The following HS2ST1 variants were observed in gnomAD, a reference collection of about 807,000 sequenced individuals.
HS2ST1 encodes the protein heparan sulfate 2-O-sulfotransferase 1, also known as 2-O-sulfotransferase.
Under a neutral mutation model 42.9 loss-of-function variants are expected in HS2ST1, and 18 were observed. That is an observed-to-expected ratio of 0.42 (90% CI 0.29 to 0.62). HS2ST1 has a LOEUF of 0.62. Among genes scored for constraint, HS2ST1 ranks in the 20% least tolerant of loss-of-function variants. The pLI is 0.21. For synonymous variants in HS2ST1, 146 were observed against 152.9 expected (o/e 0.95, Z 0.33); for missense variants, 334 against 433.8 (o/e 0.77, Z 2.04).
At chr1:86,994,836 A>G (rs564901899) in intron 1 of HS2ST1, among the ~76,000 whole-genome samples, 9 of 152,202 alleles carry the variant, frequency 5.9e-5, no homozygotes, top group Non-Finnish European at 1.2e-4. Flanking sequence ...CAGAAAGTAC[A>G]TACTTTTGTT....
Position 87,104,855 on chromosome 1 carries a change from G to T in HS2ST1, c.*159G>T. ...AGTAACGTCAAGGAAGTAGATACTG[G>T]CTGGCATTGTCAGTGTTCTAAGTTT... On this transcript the variant is annotated 3_prime_UTR_variant, in exon 7 of 7. Coordinates refer to ENST00000370550, the MANE Select transcript of HS2ST1 (RefSeq NM_012262.4). 1 of 562,512 alleles carries T rather than the reference G, an allele frequency of 1.8e-6. No homozygotes were observed. Among genetic ancestry groups the T allele is most frequent in the Non-Finnish European group, 3.1e-6 (1 of 318,030 alleles). 34.8% of individuals were successfully genotyped at this position (562,512 alleles called of 1,614,324 possible).
At chr1:87,092,843 T>C (rs1431159089) in intron 4 of HS2ST1, among the ~76,000 whole-genome samples, 174 bp downstream of exon 4, 1 of 152,040 alleles carries the variant, frequency 6.6e-6, no homozygotes, top group African/African-American at 2.4e-5. Flanking sequence ...AGCTGATATA[T>C]TGTAATATAC....
In HS2ST1 at chr1:87,105,270, A is replaced by T. The variant is rs886279827; in HGVS notation, c.*574A>T. 1 of 152,618 alleles carries T rather than the reference A, an allele frequency of 6.6e-6. No homozygotes were observed. Among genetic ancestry groups the T allele is most frequent in the African/African-American group, 2.4e-5 (1 of 41,454 alleles). 9.5% of individuals were successfully genotyped at this position (152,618 alleles called of 1,614,324 possible). A position where few individuals can be genotyped will look rare whatever the true frequency, so the allele number is the denominator to read the frequency against. On this transcript the variant is annotated 3_prime_UTR_variant, in exon 7 of 7. Transcript: ENST00000370550. ...TTTATGTAGGTGGTTTTAATTTTTT[A>T]AATGGTGATTAGTGTTAAAAATCAA...
chr1:86,925,164 G>C (rs1660388376), intron 1 of HS2ST1, among the ~76,000 whole-genome samples: 1 of 152,108 alleles, frequency 6.6e-6, no homozygotes, highest in Admixed American at 6.5e-5. Flanking sequence ...CATAACAAGA[G>C]CCACCTTTGC....
chr1:87,026,616 A>T (rs536994398), intron 1 of HS2ST1, among the ~76,000 whole-genome samples: 2 of 152,244 alleles, frequency 1.3e-5, no homozygotes, highest in South Asian at 2.1e-4. Flanking sequence ...GTTCTTTTTG[A>T]TGTTTCCTTT....
intron 1 of HS2ST1, among the ~76,000 whole-genome samples, chr1:86,970,632 G>A (rs545025006): frequency 1.3e-5 from 2 of 152,142 alleles, no homozygotes; most frequent in South Asian, 4.1e-4. Context: ...GACCTCAAGT[G>A]ATCCACCCTC....
At chr1:87,079,033 T>C (rs76267112) in intron 2 of HS2ST1, among the ~76,000 whole-genome samples, 4,116 of 152,256 alleles carry the variant, frequency 0.027, 197 homozygotes, top group African/African-American at 0.093. Context: ...CTTTTAAAAG[T>C]ACTGTTTTTC....
In HS2ST1 at chr1:87,103,587, C is replaced by T. The variant is rs1219447885; in HGVS notation, c.842C>T (p.Thr281Ile). 5 of 1,594,308 alleles carry T rather than the reference C, an allele frequency of 3.1e-6. No homozygotes were observed. Among genetic ancestry groups the T allele is most frequent in the Non-Finnish European group, 4.3e-6 (5 of 1,173,576 alleles). Residue 281 changes from threonine to isoleucine, a missense_variant and splice_region_variant, in exon 6 of 7, where the codon ACA becomes ATA. Transcript: ENST00000370550. ...FFRGATELYR[T>I]GKKSHLRKTT... ...AGGGGTGCTACTGAACTCTATCGCA[C>T]AGGTATATAAAGGAAGGGTTTCTTT... is the stretch of plus-strand genomic sequence containing the variant.
intron 1 of HS2ST1, among the ~76,000 whole-genome samples, chr1:86,954,767 A>G (rs944380770): frequency 2.0e-5 from 3 of 152,174 alleles, no homozygotes; most frequent in African/African-American, 7.2e-5. Flanking sequence ...TATATATTCA[A>G]TGAGAAAAGA....
chr1:86,961,491 G>A (rs1057240670), intron 1 of HS2ST1, among the ~76,000 whole-genome samples: 4 of 152,092 alleles, frequency 2.6e-5, no homozygotes, highest in Non-Finnish European at 4.4e-5. Flanking sequence ...AGAGATTTCT[G>A]AGGGTGGTGG....
intron 1 of HS2ST1, among the ~76,000 whole-genome samples, chr1:86,993,768 G>A (rs1649023267): frequency 6.6e-6 from 1 of 152,170 alleles, no homozygotes; most frequent in Non-Finnish European, 1.5e-5. Context: ...TCAAGGCAGT[G>A]GCATGGGGGA....
At chr1:87,094,437 G>A (rs992648612) in intron 4 of HS2ST1, among the ~76,000 whole-genome samples, 12 of 152,026 alleles carry the variant, frequency 7.9e-5, no homozygotes, top group South Asian at 2.1e-4. Flanking sequence ...GGTAGCTTGC[G>A]CAACAATTTT....
intron 1 of HS2ST1, among the ~76,000 whole-genome samples, chr1:86,929,934 A>C (rs2102163207): frequency 6.6e-6 from 1 of 151,938 alleles, no homozygotes; most frequent in Middle Eastern, 3.4e-3. Flanking sequence ...ATTTATTGCC[A>C]AGATTTTGAG....
chr1:87,028,938 A>C (rs1650160538), intron 1 of HS2ST1, among the ~76,000 whole-genome samples: 1 of 152,206 alleles, frequency 6.6e-6, no homozygotes, highest in South Asian at 2.1e-4. Flanking sequence ...AGTGAAACAA[A>C]GTTTGCCCTA....
intron 1 of HS2ST1, chr1:86,932,410 T>A (rs1660563535): frequency 1.3e-5 from 2 of 152,130 alleles, no homozygotes; most frequent in Admixed American, 6.5e-5. Flanking sequence ...CCATGTACCA[T>A]TTCATATAAT....
chr1:86,977,128 T>A (rs1648437940), intron 1 of HS2ST1, among the ~76,000 whole-genome samples: 2 of 152,188 alleles, frequency 1.3e-5, no homozygotes, highest in Non-Finnish European at 2.9e-5. Flanking sequence ...GTTTCATATT[T>A]ACTTTGATTA....
chr1:87,020,688 C>G (rs1413438009), intron 1 of HS2ST1, among the ~76,000 whole-genome samples: 2 of 152,098 alleles, frequency 1.3e-5, no homozygotes, highest in South Asian at 2.1e-4. Flanking sequence ...ATTTGAGGCC[C>G]CTTCCCTTGG....
intron 4 of HS2ST1, among the ~76,000 whole-genome samples, chr1:87,094,473 C>G (rs915864775): frequency 1.3e-5 from 2 of 152,056 alleles, no homozygotes; most frequent in Admixed American, 6.6e-5. Flanking sequence ...TTATTGTCCT[C>G]ATTTTACAGA....
At position 87,017,610 on chromosome 1, in the gene HS2ST1, A is replaced by G. The variant is rs543437947; in HGVS notation, c.125-55324A>G. 5.9e-5 allele frequency among the ~76,000 whole-genome samples: 9 copies of G among 152,346 alleles called. 1 individual carries two copies. The highest frequency in any genetic ancestry group is 4.6e-4 in the Admixed American group (7 of 15,306). On this transcript the variant is annotated intron_variant, in intron 1 of 6. Coordinates refer to ENST00000370550, the MANE Select transcript of HS2ST1 (RefSeq NM_012262.4). ...GCACAGTCATTCGTCTTTTGTTTCA[A>G]CAAGAGTAAACTTGTTAAAAACAAT...
Sources: allele counts gnomAD v4.1 joint callset (sites outside exome capture counted in the v4.1 genomes callset), GRCh38; gene constraint gnomAD v4.1.1; transcripts MANE v1.5; gene names NCBI Gene and HGNC (gene_info 2026-07-23, HGNC 2026-07-21).